Variants in LARP1B observed in about 807,000 individuals in gnomAD.
LARP1B encodes the protein la-related protein 1B.
LARP1B carries 76 observed loss-of-function variants against 114.2 expected under a neutral mutation model. The ratio of observed to expected loss-of-function variants is 0.67; its 90% CI spans 0.55 to 0.81. LARP1B has a LOEUF of 0.81. Among genes scored for constraint, LARP1B ranks in the 30% least tolerant of loss-of-function variants. LARP1B has a pLI of 0.00. For missense variants in LARP1B, 1,014 were observed against 1,075.8 expected (o/e 0.94, Z 0.80); for synonymous variants, 345 against 348.0 (o/e 0.99, Z 0.10).
At chr4:128,108,624 C>G in intron 9 of LARP1B, 3 of 985,336 alleles carry the variant, frequency 3.0e-6, no homozygotes, top group Non-Finnish European at 3.6e-6. Context: ...ATTTTAAAAG[C>G]TGAAGAAAAG....
At chr4:128,158,276 CAGTA>C (rs1178276488) in intron 11 of LARP1B, among the ~76,000 whole-genome samples, 3 of 152,046 alleles carry the variant, frequency 2.0e-5, no homozygotes, top group African/African-American at 7.2e-5. Flanking sequence ...ACCAAAAAAT[CAGTA>C]AGGTTATACA....
chr4:128,108,061 G>C, intron 9 of LARP1B: 2 of 1,459,608 alleles, frequency 1.4e-6, no homozygotes, highest in Non-Finnish European at 1.8e-6. Context: ...AGGAAGTTGG[G>C]CCAACACTGC....
chr4:128,159,889 C>T (rs953794795), intron 11 of LARP1B, among the ~76,000 whole-genome samples: 3 of 152,134 alleles, frequency 2.0e-5, no homozygotes, highest in African/African-American at 7.2e-5. Flanking sequence ...TGTCCCTGTT[C>T]CCCAAAAGAA....
At chr4:128,128,442 C>T (rs1790363316) in intron 11 of LARP1B, among the ~76,000 whole-genome samples, 1 of 152,208 alleles carries the variant, frequency 6.6e-6, no homozygotes, top group Admixed American at 6.5e-5. Flanking sequence ...ACCTACCACA[C>T]ATCATAGCTT....
chr4:128,214,491 G>T (rs1247002427), downstream of LARP1B, among the ~76,000 whole-genome samples: 4 of 152,032 alleles, frequency 2.6e-5, no homozygotes, highest in East Asian at 7.8e-4. Context: ...GTGGGTCCCT[G>T]ACCCCTGACC....
chr4:128,178,559 C>A lies in LARP1B; in HGVS notation c.1813C>A (p.Pro605Thr). ...TCATCCTACAAGAACACCCAAAACA[C>A]CTCGAACACCTAGGTTACAAGATCC... Reference protein sequence around the residue: ...RIHPTRTPKTPRTPRLQDPNK... With the variant: ...RIHPTRTPKTTRTPRLQDPNK... Residue 605 changes from proline (P) to threonine (T), a missense_variant, in exon 14 of 20, where the codon CCT (proline) becomes ACT (threonine). Pro to Thr is a conservative substitution (Grantham distance 38). Transcript: ENST00000326639. 1 of 1,614,058 alleles carries A rather than the reference C, an allele frequency of 6.2e-7. No individual in the cohort carries two copies.
At chr4:128,087,267 G>A (rs902585139) in intron 5 of LARP1B, among the ~76,000 whole-genome samples, 5 of 152,156 alleles carry the variant, frequency 3.3e-5, no homozygotes, top group African/African-American at 4.8e-5. Flanking sequence ...AGAAAGCAGA[G>A]GATAGGATAT....
chr4:128,166,144 C>A (rs2150486817), intron 12 of LARP1B, among the ~76,000 whole-genome samples: 1 of 152,056 alleles, frequency 6.6e-6, no homozygotes, highest in South Asian at 2.1e-4. Flanking sequence ...TCTGAATTCC[C>A]ACCCCTCTCC....
intron 7 of LARP1B, among the ~76,000 whole-genome samples, chr4:128,096,598 T>G (rs149892579): frequency 1.9e-4 from 29 of 151,624 alleles, no homozygotes; most frequent in African/African-American, 7.0e-4. Flanking sequence ...CTTAATGTCT[T>G]TCTTTTTTTT....
downstream of LARP1B, among the ~76,000 whole-genome samples, chr4:128,213,971 C>T (rs888307450): frequency 5.3e-5 from 8 of 151,616 alleles, no homozygotes; most frequent in South Asian, 6.3e-4. Context: ...CGAAGCAGGG[C>T]GAGGCATTGC....
At chr4:128,137,791 A>ATATTT (rs1414155026) in intron 11 of LARP1B, among the ~76,000 whole-genome samples, 18 of 63,556 alleles carry the variant, frequency 2.8e-4, no homozygotes, top group African/African-American at 8.1e-4. Flanking sequence ...ATATATATAT[A>ATATTT]TTTTTTTTTT....
chr4:128,107,397 AT>A (rs1441562126), intron 9 of LARP1B, 84 bp downstream of exon 9: 2 of 1,537,622 alleles, frequency 1.3e-6, no homozygotes, highest in Non-Finnish European at 1.8e-6. Context: ...TTTTCAGTTT[AT>A]TTAGATTTGA....
intron 5 of LARP1B, among the ~76,000 whole-genome samples, chr4:128,085,971 T>C (rs1773318256): frequency 6.6e-6 from 1 of 151,730 alleles, no homozygotes; most frequent in Admixed American, 6.6e-5. Context: ...GTGGAATTCC[T>C]GTATTTTGGA....
chr4:128,064,674 C>G (rs1761731328), intron 1 of LARP1B, among the ~76,000 whole-genome samples: 1 of 152,144 alleles, frequency 6.6e-6, no homozygotes, highest in African/African-American at 2.4e-5. Context: ...TCTAGACTTA[C>G]AGACAATTAA....
At chr4:128,073,289 G>A (rs1294173178) in intron 1 of LARP1B, among the ~76,000 whole-genome samples, 6 of 151,370 alleles carry the variant, frequency 4.0e-5, no homozygotes, top group Admixed American at 2.6e-4. Flanking sequence ...GGTGGCAGGC[G>A]CCTGTAATCC....
downstream of LARP1B, among the ~76,000 whole-genome samples, chr4:128,214,254 T>C (rs1759353955): frequency 6.8e-6 from 1 of 147,392 alleles, no homozygotes; most frequent in South Asian, 2.3e-4. Flanking sequence ...CCAGGCTTGC[T>C]TAGGTAAACA....
chr4:128,066,529 G>A (rs536674989), intron 1 of LARP1B, among the ~76,000 whole-genome samples: 2 of 149,130 alleles, frequency 1.3e-5, no homozygotes, highest in East Asian at 4.0e-4. Context: ...CCAGGCCGGA[G>A]TGCAATGGTG....
intron 11 of LARP1B, among the ~76,000 whole-genome samples, chr4:128,157,112 TCAAG>T (rs1266751039): frequency 1.3e-5 from 2 of 152,034 alleles, no homozygotes; most frequent in Non-Finnish European, 2.9e-5. Context: ...AATAGAGTTA[TCAAG>T]CAGACTTTGT....
Position 128,065,327 on chromosome 4 carries a change from C to CCTTTCTTTTCTTT in LARP1B, c.-78+3926_-78+3927insCTTTCTTTTCTTT, listed in dbSNP as rs1561012881. On this transcript the variant is annotated intron_variant, in intron 1 of 19. Transcript: ENST00000326639. The stretch of plus-strand genomic sequence containing the variant: ...TTTCTTTCTTTCTTTCTCTCTCTCT[C>CCTTTCTTTTCTTT]TCTCTTTCCTTTCTTTTCTTTTCTT... 2.6e-3 allele frequency among the ~76,000 whole-genome samples: 294 copies of CCTTTCTTTTCTTT among 113,236 alleles called. 5 individuals are homozygous for CCTTTCTTTTCTTT. The highest frequency in any genetic ancestry group is 3.4e-3 in the South Asian group (11 of 3,202). The allele number at this position is 113,236 out of a possible 152,430, so 74.3% of individuals were successfully genotyped here.
Sources: gnomAD v4.1 joint callset for allele counts (sites outside exome capture counted in the v4.1 genomes callset) on GRCh38, gnomAD v4.1.1 for gene constraint, MANE v1.5 for transcripts, NCBI Gene and HGNC (gene_info 2026-07-23, HGNC 2026-07-21) for gene names.